Variants in MCF2L2 observed in about 807,000 individuals in gnomAD.
MCF2L2 encodes probable guanine nucleotide exchange factor MCF2L2.
In MCF2L2, 102 loss-of-function variants were observed where a neutral mutation model predicts 150.2. That is an observed-to-expected ratio of 0.68 (90% confidence interval 0.58 to 0.80). The LOEUF (loss-of-function observed/expected upper bound fraction) is 0.80, where lower values mean the gene tolerates loss of function less well. MCF2L2 is among the 30% of genes least tolerant of loss of function. MCF2L2 has a pLI of 0.00. For missense variants in MCF2L2, 1,256 were observed against 1,372.8 expected, an observed-to-expected ratio of 0.91 and a Z score of 1.34; for synonymous variants, 465 against 491.3, an observed-to-expected ratio of 0.95 and a Z score of 0.71.
intron 15 of MCF2L2, among the ~76,000 whole-genome samples, chr3:183,274,964 G>C (rs940250488): frequency 1.3e-5 from 2 of 149,420 alleles, no homozygotes; most frequent in African/African-American, 5.0e-5. Flanking sequence ...CCTATAGCTT[G>C]GTTTTTTTTT....
At chr3:183,187,183 G>A (rs1175447232) in intron 27 of MCF2L2, among the ~76,000 whole-genome samples, 1 of 152,028 alleles carries the variant, frequency 6.6e-6, no homozygotes, top group Non-Finnish European at 1.5e-5. Context: ...GGCCCAAAAG[G>A]AAATGCCACA....
chr3:183,296,966 G>A lies in MCF2L2; in HGVS notation c.1497+10C>T, dbSNP rs1728541085. 6.2e-7 allele frequency: 1 copy of A among 1,610,356 alleles called. No homozygotes were observed. Among genetic ancestry groups the A allele is most frequent in the African/African-American group, 1.3e-5 (1 of 74,950 alleles). Reference sequence around the variant, plus strand: ...CCAACCACAGGATCAAAATAACCCGGAAGCATTACCTTTGCATCGAGGGTG... The same window carrying A: ...CCAACCACAGGATCAAAATAACCCGAAAGCATTACCTTTGCATCGAGGGTG... On this transcript the variant is annotated intron_variant, in intron 12 of 29. Transcript: ENST00000328913.
chr3:183,329,824 G>C (rs1468088050), intron 5 of MCF2L2, among the ~76,000 whole-genome samples: 1 of 152,184 alleles, frequency 6.6e-6, no homozygotes, highest in Non-Finnish European at 1.5e-5. Flanking sequence ...TACATGCATG[G>C]GCTAACTGGT....
At chr3:183,349,960 A>G (rs1731048046) in intron 3 of MCF2L2, among the ~76,000 whole-genome samples, 1 of 151,998 alleles carries the variant, frequency 6.6e-6, no homozygotes, top group African/African-American at 2.4e-5. Flanking sequence ...AAGCTGGGAG[A>G]GGCTTAGCAA....
chr3:183,304,340 T>C (rs1432772106), intron 10 of MCF2L2, among the ~76,000 whole-genome samples: 1 of 152,066 alleles, frequency 6.6e-6, no homozygotes, highest in Non-Finnish European at 1.5e-5. Context: ...ACAAATCAAG[T>C]AGTGGCTAGT....
intron 3 of MCF2L2, among the ~76,000 whole-genome samples, chr3:183,345,372 G>A (rs996955674): frequency 6.6e-6 from 1 of 152,084 alleles, no homozygotes; most frequent in African/African-American, 2.4e-5. Flanking sequence ...TGAAACCACT[G>A]AGAACAAAGA....
chr3:183,396,234 T>C (rs990279725), intron 1 of MCF2L2, among the ~76,000 whole-genome samples: 5 of 152,050 alleles, frequency 3.3e-5, no homozygotes, highest in Non-Finnish European at 7.3e-5. Context: ...CGCATCCAAA[T>C]GCTAGGGTGG....
At chr3:183,324,649 C>T (rs1042346956) in intron 5 of MCF2L2, among the ~76,000 whole-genome samples, 5 of 151,992 alleles carry the variant, frequency 3.3e-5, no homozygotes, top group Non-Finnish European at 5.9e-5. Context: ...AGGAGGACTC[C>T]GTGGGCCCAG....
At chr3:183,413,655 C>T (rs537694463) in intron 1 of MCF2L2, among the ~76,000 whole-genome samples, 13 of 152,340 alleles carry the variant, frequency 8.5e-5, no homozygotes, top group Admixed American at 3.9e-4. Flanking sequence ...CCCAGTTCCT[C>T]GCCCTGTAAA....
chr3:183,369,125 G>A (rs538689327), intron 3 of MCF2L2, among the ~76,000 whole-genome samples: 4 of 152,220 alleles, frequency 2.6e-5, no homozygotes, highest in Admixed American at 6.5e-5. Context: ...CCAACTGACC[G>A]AATGGACCAT....
At chr3:183,302,211 C>T (rs1402344146) in intron 10 of MCF2L2, among the ~76,000 whole-genome samples, 4 of 152,198 alleles carry the variant, frequency 2.6e-5, no homozygotes, top group African/African-American at 9.7e-5. Context: ...CCAGACTTCA[C>T]CTCGCATGCC....
At chr3:183,219,257 T>A (rs1723055630) in intron 21 of MCF2L2, among the ~76,000 whole-genome samples, 1 of 152,150 alleles carries the variant, frequency 6.6e-6, no homozygotes, top group African/African-American at 2.4e-5. Flanking sequence ...TTTTATCATA[T>A]CTATTTACTT....
intron 6 of MCF2L2, among the ~76,000 whole-genome samples, chr3:183,320,683 G>A (rs1307729858): frequency 6.6e-6 from 1 of 152,164 alleles, no homozygotes; most frequent in East Asian, 1.9e-4. Context: ...CTCCATATCA[G>A]CAAGAAGGCT....
intron 12 of MCF2L2, among the ~76,000 whole-genome samples, chr3:183,295,731 C>G (rs1728464462): frequency 1.3e-5 from 2 of 152,084 alleles, no homozygotes; most frequent in South Asian, 4.1e-4. Flanking sequence ...TCTCCAGTGC[C>G]TGGAACACCC....
intron 19 of MCF2L2, among the ~76,000 whole-genome samples, 153 bp from the exon 20 acceptor site, chr3:183,223,591 T>TC (rs1440872467): frequency 6.6e-6 from 1 of 152,284 alleles, no homozygotes; most frequent in Non-Finnish European, 1.5e-5. Context: ...GGTTGTTCTT[T>TC]CCCCTAGGAA....
intron 11 of MCF2L2, 47 bp downstream of exon 11, chr3:183,299,958 C>A: frequency 6.3e-7 from 1 of 1,583,454 alleles, no homozygotes; most frequent in South Asian, 1.1e-5. Context: ...GAAGCTTCTT[C>A]ACAGAAAATC....
intron 1 of MCF2L2, among the ~76,000 whole-genome samples, chr3:183,403,211 G>A (rs2108613946): frequency 6.6e-6 from 1 of 152,288 alleles, no homozygotes; most frequent in East Asian, 1.9e-4. Context: ...GGCAGAGGTT[G>A]CAGTGAGCCG....
intron 3 of MCF2L2, chr3:183,378,337 G>A (rs1283833957): frequency 6.6e-6 from 1 of 152,352 alleles, no homozygotes; most frequent in Non-Finnish European, 1.5e-5. Context: ...ACTGCCTAAG[G>A]AGGGGGTTTA....
intron 2 of MCF2L2, among the ~76,000 whole-genome samples, chr3:183,389,294 A>G (rs1441457570): frequency 6.6e-6 from 1 of 152,226 alleles, no homozygotes; most frequent in East Asian, 1.9e-4. Flanking sequence ...CCCAGAGAAC[A>G]AACAACCTCA....
Sources: gnomAD v4.1 joint callset for allele counts (sites outside exome capture counted in the v4.1 genomes callset) on GRCh38, gnomAD v4.1.1 for gene constraint, MANE v1.5 for transcripts, NCBI Gene and HGNC (gene_info 2026-07-23, HGNC 2026-07-21) for gene names.